TAF6: variants seen among roughly 807,000 people sequenced by gnomAD.
TAF6 encodes TATA-box binding protein associated factor 6.
Under a neutral mutation model 73.5 loss-of-function variants are expected in TAF6, and 50 were observed. That is an observed-to-expected ratio of 0.68 (90% CI 0.54 to 0.86). The LOEUF (loss-of-function observed/expected upper bound fraction) is 0.86. Ranked by LOEUF, TAF6 falls within the 40% of genes least tolerant of loss-of-function variation. The pLI is 0.00. For synonymous variants in TAF6, 424 were observed against 376.7 expected (o/e 1.13, Z -1.45); for missense variants, 768 against 899.5 (o/e 0.85, Z 1.87).
upstream of TAF6, chr7:100,119,806 C>T (rs374762512): frequency 4.3e-6 from 7 of 1,614,076 alleles, no homozygotes; most frequent in East Asian, 2.2e-5. Flanking sequence ...GAGGCTTGGG[C>T]TGGGATGTTG....
rs11761989 is a variant in TAF6, at chr7:100,111,333, A to G, written c.901-12T>C. 5 of 1,605,376 alleles carry G rather than the reference A, an allele frequency of 3.1e-6. No individual in the cohort carries two copies. The highest frequency in any genetic ancestry group is 4.3e-6 in the Non-Finnish European group (5 of 1,173,180). Reference sequence around the variant, plus strand: ...ATCAGCTCATGGACCTAAGGGAGAAAGGGCGGGACAGCTGATTCTGGTTTT... The same window carrying G: ...ATCAGCTCATGGACCTAAGGGAGAAGGGGCGGGACAGCTGATTCTGGTTTT... On this transcript the variant is annotated splice_polypyrimidine_tract_variant and intron_variant, in intron 9 of 14. Transcript: ENST00000453269.
At chr7:100,119,488 A>C, upstream of TAF6, 1 of 1,354,642 alleles carries the variant, frequency 7.4e-7, no homozygotes, top group Non-Finnish European at 9.6e-7. Context: ...ATATATAAGG[A>C]GCACTCCCTC....
upstream of TAF6, chr7:100,119,852 C>A: frequency 6.2e-7 from 1 of 1,611,814 alleles, no homozygotes; most frequent in Non-Finnish European, 8.5e-7. Flanking sequence ...GCTTGCCCAG[C>A]AAATGCGAAG....
chr7:100,122,567 GAT>G (rs1271430330), upstream of TAF6: 1 of 1,609,054 alleles, frequency 6.2e-7, no homozygotes, highest in Non-Finnish European at 8.5e-7. Context: ...GGCTCACTGA[GAT>G]ATGCCAAGGT....
intron 14 of TAF6, 139 bp downstream of exon 14, chr7:100,107,787 C>G: frequency 7.2e-7 from 1 of 1,384,582 alleles, no homozygotes; most frequent in South Asian, 1.5e-5. Context: ...AGCTACAGCC[C>G]TGCAGGACCC....
chr7:100,119,815 TGAA>T (rs758379452), upstream of TAF6: 3 of 1,614,128 alleles, frequency 1.9e-6, no homozygotes, highest in African/African-American at 2.7e-5. Flanking sequence ...GCTGGGATGT[TGAA>T]GGAGGAGGAC....
chr7:100,123,057 A>G, upstream of TAF6: 2 of 850,448 alleles, frequency 2.4e-6, no homozygotes, highest in East Asian at 5.7e-5. Flanking sequence ...TGGGTCCAGG[A>G]GCGGTGGGGT....
chr7:100,114,590 C>G (rs1215351867), intron 1 of TAF6: 4 of 555,590 alleles, frequency 7.2e-6, no homozygotes, highest in African/African-American at 1.9e-5. Context: ...CGTGGTAGTG[C>G]ACACCTGTAA....
chr7:100,119,960 C>T, upstream of TAF6: 1 of 1,095,144 alleles, frequency 9.1e-7, no homozygotes, highest in Non-Finnish European at 1.3e-6. Flanking sequence ...ACCCGACCTC[C>T]TTGAAGGCTT....
intron 12 of TAF6, 65 bp from the exon 13 acceptor site, chr7:100,108,605 C>T (rs980799610): frequency 6.6e-7 from 1 of 1,516,226 alleles, no homozygotes; most frequent in South Asian, 1.2e-5. Context: ...AGAGGGAGGG[C>T]TGGTGACACT....
chr7:100,116,086 G>A (rs527315679), intron 1 of TAF6, among the ~76,000 whole-genome samples: 27 of 152,224 alleles, frequency 1.8e-4, no homozygotes, highest in African/African-American at 3.1e-4. Flanking sequence ...AATGTCAACC[G>A]GAGTCTACCC....
chr7:100,123,294 A>G (rs1227681728), upstream of TAF6, among the ~76,000 whole-genome samples: 1 of 151,844 alleles, frequency 6.6e-6, no homozygotes, highest in Non-Finnish European at 1.5e-5. Context: ...ATGAGCCAAG[A>G]TCGCACCATT....
chr7:100,124,834 A>C (rs1397198665), upstream of TAF6: 1 of 1,610,838 alleles, frequency 6.2e-7, no homozygotes, highest in African/African-American at 1.3e-5. Context: ...AGGAAGGGGG[A>C]GACAAGATGA....
chr7:100,110,607 T>C (rs1402458392), intron 10 of TAF6, among the ~76,000 whole-genome samples: 1 of 151,330 alleles, frequency 6.6e-6, no homozygotes, highest in Non-Finnish European at 1.5e-5. Context: ...AGGTCGGGAG[T>C]TCTAGAGCAG....
chr7:100,121,786 C>T (rs967251420), upstream of TAF6, among the ~76,000 whole-genome samples: 1 of 150,610 alleles, frequency 6.6e-6, no homozygotes, highest in Non-Finnish European at 1.5e-5. Flanking sequence ...CGTGGTGGCT[C>T]ACGCCTGTAA....
intron 6 of TAF6, 26 bp from the exon 7 acceptor site, chr7:100,112,279 A>T: frequency 6.2e-7 from 1 of 1,604,152 alleles, no homozygotes; most frequent in Non-Finnish European, 8.5e-7. Flanking sequence ...GGTGGGTCTG[A>T]CAAAGAAAGC....
Position 100,107,377 on chromosome 7 carries a change from G to C in TAF6, c.1903C>G (p.Pro635Ala), listed in dbSNP as rs1178594816. Residue 635 changes from proline to alanine, a missense_variant, in exon 15 of 15, where the codon CCG (proline) becomes GCG (alanine). Transcript: ENST00000453269. The stretch of plus-strand genomic sequence containing the variant: ...AGGGCACTGCCGCTGAGTGGGGACG[G>C]GGACGATGCCGGGGGAGGAACTGGA... ...PSPVPPPASS[P>A]SPLSGSALCG... The C allele has an allele frequency of 6.3e-7, 1 of 1,590,634 alleles. No individual in the cohort carries two copies. Among genetic ancestry groups the C allele is most frequent in the Admixed American group, 1.7e-5 (1 of 57,662 alleles).
At chr7:100,108,570 G>A (rs1203054032) in intron 12 of TAF6, 30 bp from the exon 13 acceptor site, 2 of 1,567,366 alleles carry the variant, frequency 1.3e-6, no homozygotes, top group Non-Finnish European at 1.7e-6. Flanking sequence ...CCAGGTAGAG[G>A]GAGGGCTGGG....
rs529187602 is a variant in TAF6, at chr7:100,119,294, A to G, written c.-150T>C. On this transcript the variant is annotated 5_prime_UTR_variant, in exon 1 of 15. Coordinates refer to ENST00000453269, the MANE Select transcript of TAF6 (RefSeq NM_139315.3). ...CCCCCGCCACCCGAGCGCGGGGAGC[A>G]GGAAAACTCTAGCGGCAGCCGAGAC... The G allele has an allele frequency of 4.1e-5, 42 of 1,023,810 alleles. No homozygotes were observed. In the South Asian group the frequency reaches 1.1e-3, roughly 28 times the overall value. 63.4% of individuals were successfully genotyped at this position (1,023,810 alleles called of 1,614,324 possible). A position where few individuals can be genotyped will look rare whatever the true frequency, so the allele number is the denominator to read the frequency against.
Sources: allele counts gnomAD v4.1 joint callset (sites outside exome capture counted in the v4.1 genomes callset), GRCh38; gene constraint gnomAD v4.1.1; transcripts MANE v1.5; gene names NCBI Gene and HGNC (gene_info 2026-07-23, HGNC 2026-07-21).